Variants in MAN2B2 observed in about 807,000 individuals in gnomAD.
MAN2B2 encodes the protein mannosidase alpha class 2B member 2.
MAN2B2 carries 106 observed loss-of-function variants against 117.1 expected under a neutral mutation model. The ratio of observed to expected loss-of-function variants is 0.90; its 90% CI spans 0.77 to 1.06. MAN2B2 has a LOEUF of 1.06. Among genes scored for constraint, MAN2B2 ranks in the 50% least tolerant of loss-of-function variants. The pLI is 0.00. For missense variants in MAN2B2, 1,326 were observed against 1,381.4 expected, an observed-to-expected ratio of 0.96 and a Z score of 0.64; for synonymous variants, 544 against 595.1, an observed-to-expected ratio of 0.91 and a Z score of 1.25.
At chr4:6,583,565 C>G (rs1334937671) in intron 3 of MAN2B2, among the ~76,000 whole-genome samples, 1 of 152,190 alleles carries the variant, frequency 6.6e-6, no homozygotes, top group Non-Finnish European at 1.5e-5. Flanking sequence ...GGAAGGTATC[C>G]AAGTTACCAG....
At chr4:6,615,156 G>C (rs1312399342) in intron 16 of MAN2B2, among the ~76,000 whole-genome samples, 1 of 152,224 alleles carries the variant, frequency 6.6e-6, no homozygotes, top group Non-Finnish European at 1.5e-5. Context: ...AGCACTTAGG[G>C]GATCCGAGGC....
chr4:6,575,708 G>C (rs943354100), intron 1 of MAN2B2, among the ~76,000 whole-genome samples: 1 of 152,146 alleles, frequency 6.6e-6, no homozygotes. Context: ...GGAAGGGGCC[G>C]GGCTGGTCCC....
At chr4:6,607,194 T>C (rs1388200758) in intron 11 of MAN2B2, among the ~76,000 whole-genome samples, 1 of 152,140 alleles carries the variant, frequency 6.6e-6, no homozygotes, top group Non-Finnish European at 1.5e-5. Flanking sequence ...CACATATTTT[T>C]CCCCCTTTTT....
chr4:6,619,076 C>T (rs192625780), intron 17 of MAN2B2: 22 of 152,398 alleles, frequency 1.4e-4, no homozygotes, highest in African/African-American at 5.1e-4. Context: ...GGGATGGACA[C>T]CATGACTCCC....
At chr4:6,606,261 C>G (rs370142200) in intron 11 of MAN2B2, among the ~76,000 whole-genome samples, 4 of 152,220 alleles carry the variant, frequency 2.6e-5, no homozygotes, top group Non-Finnish European at 5.9e-5. Context: ...GCCCACAGAG[C>G]TCCAGGACTT....
intron 3 of MAN2B2, among the ~76,000 whole-genome samples, chr4:6,579,183 CCATCACCAGCACCACCACCAT>C: frequency 1.1e-5 from 1 of 88,576 alleles, no homozygotes; most frequent in African/African-American, 3.8e-5. Flanking sequence ...ACCACCATCA[CCATCACCAGCACCACCACCAT>C]CACCATCACC....
chr4:6,590,810 C>T (rs1726827849), intron 5 of MAN2B2, among the ~76,000 whole-genome samples: 1 of 152,240 alleles, frequency 6.6e-6, no homozygotes, highest in South Asian at 2.1e-4. Flanking sequence ...CCCCACCCAC[C>T]CTTTCCCCTC....
chr4:6,617,469 C>T lies in MAN2B2; in HGVS notation c.2791C>T (p.Gln931Ter). 1 of 1,614,138 alleles carries T rather than the reference C, an allele frequency of 6.2e-7. No homozygotes were observed. Among genetic ancestry groups the T allele is most frequent in the Non-Finnish European group, 8.5e-7 (1 of 1,180,010 alleles). The change falls in exon 17 of 19, where the codon CAG (glutamine) becomes TAG (stop). Residue 931 changes from glutamine to a stop codon, truncating the protein, a stop_gained. Transcript: ENST00000285599. LOFTEE classifies it high-confidence loss of function. ...AGTGGGCGAGGACCCAGTCCTGTCT[C>T]AGCCAGTGACAGTGAATCTGGAGGT... ...YEVGEDPVLSQPVTVNLEAVL... is the reference protein window; with the variant it reads ...YEVGEDPVLS
Position 6,602,388 on chromosome 4 carries a change from C to T in MAN2B2, c.1539+1632C>T, listed in dbSNP as rs563943841. On this transcript the variant is annotated intron_variant, in intron 10 of 18. Coordinates refer to ENST00000285599, the MANE Select transcript of MAN2B2 (RefSeq NM_015274.3). ...GGGCCTCTTCCTGCTTGCCATCTTC[C>T]TGTGTGTCCTCACATGGCACAAGAG... Among the ~76,000 whole-genome samples, 28 of 152,330 alleles carry T rather than the reference C, an allele frequency of 1.8e-4. No homozygotes were observed. The South Asian group carries it at 5.4e-3, about 29-fold the overall frequency.
At chr4:6,581,269 G>A (rs1485062389) in intron 3 of MAN2B2, among the ~76,000 whole-genome samples, 2 of 152,158 alleles carry the variant, frequency 1.3e-5, no homozygotes, top group Admixed American at 6.5e-5. Context: ...ACTGGCGGCT[G>A]AGCCAAGCCC....
intron 2 of MAN2B2, 135 bp from the exon 3 acceptor site, chr4:6,578,258 C>T (rs764008155): frequency 1.5e-5 from 10 of 653,988 alleles, no homozygotes; most frequent in Non-Finnish European, 2.8e-5. Flanking sequence ...ACAGACAGTG[C>T]CCTGCTTTTA....
intron 3 of MAN2B2, among the ~76,000 whole-genome samples, chr4:6,578,783 C>G (rs1726167485): frequency 6.6e-6 from 1 of 152,052 alleles, no homozygotes. Flanking sequence ...TCAGTTTCCT[C>G]ATAGATAAAA....
chr4:6,619,920 CCTGCAGGCTGTG>C lies in MAN2B2; in HGVS notation c.2817_2828del (p.Val940_Ala943del). The C allele has an allele frequency of 6.2e-7, 1 of 1,612,562 alleles. No individual in the cohort carries two copies. Among genetic ancestry groups the C allele is most frequent in the South Asian group, 1.1e-5 (1 of 91,002 alleles). On this transcript the variant is annotated splice_acceptor_variant and splice_polypyrimidine_tract_variant and coding_sequence_variant and intron_variant, in exon 18 of 19. Transcript: ENST00000285599. LOFTEE classifies it high-confidence loss of function. ...AGCTCACTCTCCCTCTGCTCCTCTC[CCTGCAGGCTGTG>C]CTGCAGGCGCTGGGGTCCGTGGTGG...
At chr4:6,583,152 G>C (rs1726501284) in intron 3 of MAN2B2, among the ~76,000 whole-genome samples, 1 of 152,166 alleles carries the variant, frequency 6.6e-6, no homozygotes, top group African/African-American at 2.4e-5. Context: ...GCAGCTAGGG[G>C]ATAGGGAATG....
Position 6,614,243 on chromosome 4 carries a change from C to G in MAN2B2, c.2589C>G (p.Pro863=). The G allele has an allele frequency of 6.2e-7, 1 of 1,614,132 alleles. No homozygotes were observed. ...GGACTGCGCCGAAGCTCCCAGGACC[C>G]CAGCAGCAAGAGGCCGTGACGCTGC... ...LAGTAPKLPG[P]QQQEAVTLPP... Residue 863 remains proline, a synonymous_variant, in exon 16 of 19, where the codon CCC becomes CCG. Transcript: ENST00000285599.
In MAN2B2 at chr4:6,594,647, G is replaced by T; in HGVS notation, c.972G>T (p.Thr324=). Residue 324 remains threonine (T), a synonymous_variant, in exon 7 of 19, where the codon ACG becomes ACT. Coordinates refer to ENST00000285599, the MANE Select transcript of MAN2B2 (RefSeq NM_015274.3). Reference sequence around the variant, plus strand: ...TCGGTGTCTCGGTGCAGTATGCCACGCTGGGCGACTACTTCCGTGCCCTGC... The same window carrying T: ...TCGGTGTCTCGGTGCAGTATGCCACTCTGGGCGACTACTTCCGTGCCCTGC... ...AELGVSVQYA[T]LGDYFRALHA... 6.2e-7 allele frequency: 1 copy of T among 1,613,522 alleles called. No homozygotes were observed. Among genetic ancestry groups the T allele is most frequent in the Non-Finnish European group, 8.5e-7 (1 of 1,180,032 alleles).
In MAN2B2 at chr4:6,575,306, GC is replaced by G; in HGVS notation, c.100del (p.His34ThrfsTer86). ...CCGGCCCCATCCGGGCCTTCGTGGT[GC>G]CCCACAGCCACATGGACGTGGGCTG... ...SAGPIRAFVV[P>X]HSHMDVGWVY... is the part of the protein sequence containing the mutation. On this transcript the variant is annotated frameshift_variant, in exon 1 of 19. Coordinates refer to ENST00000285599, the MANE Select transcript of MAN2B2 (RefSeq NM_015274.3). LOFTEE classifies it high-confidence loss of function. The G allele has an allele frequency of 1.3e-6, 2 of 1,578,720 alleles. No homozygotes were observed. The highest frequency in any genetic ancestry group is 8.6e-7 in the Non-Finnish European group (1 of 1,168,208).
At position 6,612,727 on chromosome 4, in the gene MAN2B2, A is replaced by G. The variant is rs1296141039; in HGVS notation, c.2563+1449A>G. 2.0e-5 allele frequency among the ~76,000 whole-genome samples: 3 copies of G among 152,232 alleles called. No homozygotes were observed. The East Asian group carries it at 5.8e-4, about 29-fold the overall frequency. The stretch of plus-strand genomic sequence containing the variant: ...GGGGCTTTTCCTGCAAAGGGAGATG[A>G]GGCCATGTCTGAGAAAGCCCCATGG... On this transcript the variant is annotated intron_variant, in intron 15 of 18. Transcript: ENST00000285599.
Position 6,609,272 on chromosome 4 carries a change from G to A in MAN2B2, c.1980G>A (p.Val660=), listed in dbSNP as rs148753186. ...TGGAGATTGTGGCGGGACAGCTTGT[G>A]ACTGAGATCCGGCAGTACTTCTACA... The part of the protein sequence containing the change: ...VEMEIVAGQL[V]TEIRQYFYRN... Residue 660 remains valine (V), a synonymous_variant, in exon 12 of 19, where the codon GTG becomes GTA. Transcript: ENST00000285599. 1.1e-4 allele frequency: 170 copies of A among 1,613,900 alleles called. No homozygotes were observed. Among genetic ancestry groups the A allele is most frequent in the Non-Finnish European group, 1.4e-4 (163 of 1,180,000 alleles).
Sources: gnomAD v4.1 joint callset for allele counts (sites outside exome capture counted in the v4.1 genomes callset) on GRCh38, gnomAD v4.1.1 for gene constraint, MANE v1.5 for transcripts, NCBI Gene and HGNC (gene_info 2026-07-23, HGNC 2026-07-21) for gene names.